The following FGD1 variants were observed in gnomAD, a reference collection of about 807,000 sequenced individuals.
FGD1 encodes FYVE, RhoGEF and PH domain-containing protein 1.
A neutral mutation model predicts 65.0 loss-of-function variants in FGD1; 12 were observed. The observed-to-expected ratio is 0.18, with a 90% CI of 0.12 to 0.30. The LOEUF (loss-of-function observed/expected upper bound fraction) is 0.30. Ranked by LOEUF, FGD1 falls within the 10% of genes least tolerant of loss-of-function variation. FGD1 has a pLI of 1.00. For synonymous variants in FGD1, 333 were observed against 343.9 expected (o/e 0.97, Z 0.35); for missense variants, 542 against 837.6 (o/e 0.65, Z 4.36).
chrX:54,446,044 G>A lies in FGD1; in HGVS notation c.*65C>T, dbSNP rs1333327664. On this transcript the variant is annotated 3_prime_UTR_variant, in exon 18 of 18. Transcript: ENST00000375135. ...GACTGAGCTGGGAGGGAAGGGGCTA[G>A]AGCCCCCAATCAGACATGGGCAACT... is the stretch of plus-strand genomic sequence containing the variant. The A allele has an allele frequency of 3.3e-6, 3 of 909,971 alleles. No individual in the cohort carries two copies. Among genetic ancestry groups the A allele is most frequent in the East Asian group, 6.3e-5 (2 of 31,792 alleles). 75.0% of individuals were successfully genotyped at this position (909,971 alleles called of 1,213,427 possible).
chrX:54,456,327 C>T lies in FGD1; in HGVS notation c.1735G>A (p.Gly579Arg). ...HKLLKVYELL[G>R]GEEDIVSPTK... ...GGGCTGACAATGTCCTCCTCGCCCC[C>T]TAACAGCTCATATACCTTCAGCAGC... The change falls in exon 10 of 18, where the codon GGG becomes AGG. Residue 579 changes from glycine (G) to arginine (R), a missense_variant. This residue lies in a region of FGD1 where 41 missense variants were observed against 109.5 expected (regional missense o/e 0.37). Transcript: ENST00000375135. 8.3e-7 allele frequency: 1 copy of T among 1,211,567 alleles called. No individual in the cohort carries two copies. Among genetic ancestry groups the T allele is most frequent in the Non-Finnish European group, 1.1e-6 (1 of 895,444 alleles).
At chrX:54,469,644 C>T (rs907903196) in intron 4 of FGD1, among the ~76,000 whole-genome samples, 9 of 111,799 alleles carry the variant, frequency 8.1e-5, no homozygotes, top group African/African-American at 1.3e-4. Context: ...GCAAGTATTC[C>T]GGCTGAGATC....
At chrX:54,457,968 A>G (rs1423168217) in intron 8 of FGD1, among the ~76,000 whole-genome samples, 1 of 112,145 alleles carries the variant, frequency 8.9e-6, no homozygotes, top group Non-Finnish European at 1.9e-5. Context: ...AGAGGAGCAG[A>G]GGTGCTTCTG....
At chrX:54,479,458 C>T (rs1055726597) in intron 1 of FGD1, among the ~76,000 whole-genome samples, 4 of 111,433 alleles carry the variant, frequency 3.6e-5, no homozygotes, top group Non-Finnish European at 7.5e-5. Context: ...CCATTTGGGG[C>T]CCACAGCTAT....
chrX:54,454,082 C>T (rs1327103350), intron 12 of FGD1, among the ~76,000 whole-genome samples: 10 of 111,603 alleles, frequency 9.0e-5, no homozygotes, highest in Admixed American at 8.6e-4. Flanking sequence ...GCCATATTTA[C>T]TTCATATATA....
In FGD1 at chrX:54,496,197, A is replaced by T. The variant is rs767207423; in HGVS notation, c.-765T>A. 1 of 111,708 alleles carries T rather than the reference A, an allele frequency of 9.0e-6. No homozygotes were observed. Among genetic ancestry groups the T allele is most frequent in the Non-Finnish European group, 1.9e-5 (1 of 52,906 alleles). 9.2% of individuals were successfully genotyped at this position (111,708 alleles called of 1,213,427 possible). Reference sequence around the variant, plus strand: ...GGGGGTGGGGAGGCGGGAGCCTCGCAGAGGCAGCCGCAGCCACAGCGGCAC... The same window carrying T: ...GGGGGTGGGGAGGCGGGAGCCTCGCTGAGGCAGCCGCAGCCACAGCGGCAC... On this transcript the variant is annotated 5_prime_UTR_variant, in exon 1 of 18. Transcript: ENST00000375135.
intron 1 of FGD1, among the ~76,000 whole-genome samples, chrX:54,474,170 G>A (rs1214251349): frequency 9.0e-6 from 1 of 111,416 alleles, no homozygotes; most frequent in Non-Finnish European, 1.9e-5. Context: ...CACATCCACG[G>A]TGTCCCTGGG....
Position 54,471,465 on chromosome X carries a change from G to A in FGD1, c.330C>T (p.Ile110=), listed in dbSNP as rs1922894464. The A allele has an allele frequency of 8.3e-7, 1 of 1,210,097 alleles. No homozygotes were observed. The highest frequency in any genetic ancestry group is 2.2e-5 in the Admixed American group (1 of 45,825). ...GGTCAAGGGACAAACTTTTAACCAG[G>A]ATCCGGTTTCCCTGGTGCAGCCCTG... ...PRPGLHQGNR[I]LVKSLSLDPG... Residue 110 remains isoleucine (I), a synonymous_variant, in exon 2 of 18, where the codon ATC becomes ATT. Coordinates refer to ENST00000375135, the MANE Select transcript of FGD1 (RefSeq NM_004463.3).
intron 8 of FGD1, among the ~76,000 whole-genome samples, chrX:54,461,594 C>CT (rs1355463102): frequency 1.5e-5 from 1 of 66,263 alleles, no homozygotes; most frequent in Non-Finnish European, 2.5e-5. Context: ...GAGCAAGACT[C>CT]TGTCTCAAAA....
intron 4 of FGD1, among the ~76,000 whole-genome samples, chrX:54,469,699 C>T (rs982545200): frequency 1.8e-5 from 2 of 111,783 alleles, no homozygotes; most frequent in African/African-American, 6.5e-5. Flanking sequence ...TTAGGCTGCC[C>T]GGGCACAGAA....
At chrX:54,466,083 C>T (rs1922751957) in intron 6 of FGD1, among the ~76,000 whole-genome samples, 1 of 112,042 alleles carries the variant, frequency 8.9e-6, no homozygotes, top group African/African-American at 3.2e-5. Context: ...TTCTGCCCTG[C>T]CCGAGTACTG....
At chrX:54,448,382 C>T (rs1016065580) in intron 16 of FGD1, among the ~76,000 whole-genome samples, 1 of 110,862 alleles carries the variant, frequency 9.0e-6, no homozygotes, top group African/African-American at 3.3e-5. Flanking sequence ...GATGGGGTTT[C>T]TCCACATTGG....
chrX:54,455,437 A>G lies in FGD1; in HGVS notation c.2015+11T>C, dbSNP rs1158527769. 8.4e-7 allele frequency: 1 copy of G among 1,196,687 alleles called. No individual in the cohort carries two copies. The highest frequency in any genetic ancestry group is 3.0e-5 in the East Asian group (1 of 33,777). ...AGGCGCTGGAGGAAAGGCATAGGCA[A>G]GGATAAGTACCTGGCCTGGAGCTCG... On this transcript the variant is annotated intron_variant, in intron 12 of 17. Coordinates refer to ENST00000375135, the MANE Select transcript of FGD1 (RefSeq NM_004463.3).
chrX:54,453,806 G>GACTTAAAATTTTAAGTTAACATTA (rs1922432299), intron 12 of FGD1, among the ~76,000 whole-genome samples: 1 of 111,410 alleles, frequency 9.0e-6, no homozygotes, highest in East Asian at 2.8e-4. Flanking sequence ...AGTCAACTTA[G>GACTTAAAATTTTAAGTTAACATTA]ACTTAAAATT....
At chrX:54,469,425 GTTAA>G (rs751437133) in intron 4 of FGD1, among the ~76,000 whole-genome samples, 1 of 112,446 alleles carries the variant, frequency 8.9e-6, no homozygotes, top group East Asian at 2.8e-4. Flanking sequence ...GTATATAAAT[GTTAA>G]TTAATCATTT....
chrX:54,446,912 C>T (rs201732830), intron 17 of FGD1, among the ~76,000 whole-genome samples: 3 of 109,578 alleles, frequency 2.7e-5, no homozygotes, highest in African/African-American at 1.0e-4. Flanking sequence ...TTAGTAGAGA[C>T]GGGGTTTCAC....
intron 1 of FGD1, among the ~76,000 whole-genome samples, chrX:54,494,758 C>CT (rs1363114385): frequency 1.8e-5 from 2 of 111,323 alleles, no homozygotes; most frequent in South Asian, 3.8e-4. Context: ...TGTAAGGCTC[C>CT]TTTTTTTCTT....
intron 2 of FGD1, among the ~76,000 whole-genome samples, chrX:54,471,051 T>C (rs1257290907): frequency 9.3e-6 from 1 of 107,515 alleles, no homozygotes; most frequent in African/African-American, 3.4e-5. Context: ...TGGCTGGCTG[T>C]CATGGCCAGG....
In FGD1 at chrX:54,478,811, C is replaced by T. The variant is rs777415509; in HGVS notation, c.308-7324G>A. Among the ~76,000 whole-genome samples the T allele has an allele frequency of 2.9e-3, 315 of 109,575 alleles. 1 individual carries two copies. Among genetic ancestry groups the T allele is most frequent in the Middle Eastern group, 4.8e-3 (1 of 210 alleles). ...CTACACACATAAATACATAAGCCCACGGGCTGTAGGCTGCAACCCAACGTA... is the reference window on the plus strand; with the variant it reads ...CTACACACATAAATACATAAGCCCATGGGCTGTAGGCTGCAACCCAACGTA... On this transcript the variant is annotated intron_variant, in intron 1 of 17. Coordinates refer to ENST00000375135, the MANE Select transcript of FGD1 (RefSeq NM_004463.3).
Sources: gnomAD v4.1 joint callset for allele counts (sites outside exome capture counted in the v4.1 genomes callset) on GRCh38, gnomAD v4.1.1 for gene constraint, gnomAD v4.1.1 regional missense constraint, MANE v1.5 for transcripts, NCBI Gene and HGNC (gene_info 2026-07-23, HGNC 2026-07-21) for gene names.